Variants in RBMS3 observed in about 807,000 individuals in gnomAD.
The protein encoded by RBMS3 is RNA-binding motif, single-stranded-interacting protein 3.
Under a neutral mutation model 66.8 loss-of-function variants are expected in RBMS3, and 27 were observed. The ratio of observed to expected loss-of-function variants is 0.40; its 90% confidence interval spans 0.30 to 0.56. The LOEUF is 0.56. RBMS3 is among the 20% of genes least tolerant of loss of function. The pLI is 0.40. For synonymous variants in RBMS3, 188 were observed against 183.0 expected (o/e 1.03, Z -0.22); for missense variants, 513 against 549.5 (o/e 0.93, Z 0.66).
intron 3 of RBMS3, among the ~76,000 whole-genome samples, chr3:29,535,812 C>T (rs969057881): frequency 1.5e-5 from 2 of 137,522 alleles, no homozygotes; most frequent in African/African-American, 5.5e-5. Flanking sequence ...CTGCATGGCT[C>T]CCTTCATGGA....
At chr3:29,437,335 C>A (rs976577167) in intron 2 of RBMS3, among the ~76,000 whole-genome samples, 1 of 152,170 alleles carries the variant, frequency 6.6e-6, no homozygotes, top group Non-Finnish European at 1.5e-5. Context: ...CATAGAATTG[C>A]CAGAATTTTG....
intron 12 of RBMS3, among the ~76,000 whole-genome samples, chr3:29,970,879 A>C (rs1391408558): frequency 6.6e-6 from 1 of 152,186 alleles, no homozygotes; most frequent in Non-Finnish European, 1.5e-5. Context: ...CTTGAATATA[A>C]AGCTACATCT....
chr3:29,309,438 C>T (rs1030351453), intron 1 of RBMS3, among the ~76,000 whole-genome samples: 3 of 151,692 alleles, frequency 2.0e-5, no homozygotes, highest in Non-Finnish European at 4.4e-5. Flanking sequence ...GTATTTGTAT[C>T]ATAATGTACT....
At chr3:29,994,759 A>C (rs1158808766) in intron 14 of RBMS3, among the ~76,000 whole-genome samples, 1 of 152,206 alleles carries the variant, frequency 6.6e-6, no homozygotes, top group African/African-American at 2.4e-5. Context: ...CATCCACACC[A>C]AAAACCCATC....
At chr3:29,862,865 A>G (rs909260922) in intron 6 of RBMS3, among the ~76,000 whole-genome samples, 1 of 107,566 alleles carries the variant, frequency 9.3e-6, no homozygotes, top group African/African-American at 3.5e-5. Context: ...AAGAAAAAAG[A>G]AAAAAAAAAA....
intron 6 of RBMS3, among the ~76,000 whole-genome samples, chr3:29,862,562 G>A (rs530010339): frequency 6.6e-6 from 1 of 152,194 alleles, no homozygotes; most frequent in Admixed American, 6.5e-5. Flanking sequence ...ATATCACTCT[G>A]AGCTGGGAGT....
At chr3:29,830,491 C>G (rs1474951551) in intron 6 of RBMS3, among the ~76,000 whole-genome samples, 1 of 152,066 alleles carries the variant, frequency 6.6e-6, no homozygotes, top group Non-Finnish European at 1.5e-5. Context: ...AAAGAAATCT[C>G]AAAATACGTG....
intron 3 of RBMS3, among the ~76,000 whole-genome samples, chr3:29,551,072 A>T (rs1232121344): frequency 6.6e-6 from 1 of 152,210 alleles, no homozygotes; most frequent in East Asian, 1.9e-4. Context: ...AGAAAGAAAC[A>T]ATGTCTTTCA....
At chr3:29,660,628 T>G (rs982960851) in intron 4 of RBMS3, among the ~76,000 whole-genome samples, 4 of 152,144 alleles carry the variant, frequency 2.6e-5, no homozygotes, top group Non-Finnish European at 5.9e-5. Flanking sequence ...TATCTCTTCC[T>G]TTTGGTTTTT....
At chr3:29,304,491 G>A (rs1389983503) in intron 1 of RBMS3, among the ~76,000 whole-genome samples, 1 of 151,850 alleles carries the variant, frequency 6.6e-6, no homozygotes, top group Non-Finnish European at 1.5e-5. Context: ...ACACAATCAT[G>A]CTGACGAAGT....
At chr3:29,931,847 T>G (rs2061135278) in intron 10 of RBMS3, among the ~76,000 whole-genome samples, 1 of 152,126 alleles carries the variant, frequency 6.6e-6, no homozygotes, top group African/African-American at 2.4e-5. Flanking sequence ...CTGGCAAAAA[T>G]CAGACATGAA....
At chr3:29,346,698 T>C (rs1030132288) in intron 1 of RBMS3, among the ~76,000 whole-genome samples, 4 of 152,140 alleles carry the variant, frequency 2.6e-5, no homozygotes, top group African/African-American at 9.7e-5. Flanking sequence ...TGGCCAGCAA[T>C]TCATTCTTAT....
intron 6 of RBMS3, among the ~76,000 whole-genome samples, chr3:29,795,324 G>C (rs2057146047): frequency 6.6e-6 from 1 of 152,274 alleles, no homozygotes; most frequent in Admixed American, 6.5e-5. Context: ...GTGTATCAGA[G>C]ATATACTCCA....
Position 29,364,974 on chromosome 3 carries a change from G to A in RBMS3, c.76-69769G>A, listed in dbSNP as rs75122755. On this transcript the variant is annotated intron_variant, in intron 1 of 14. Coordinates refer to ENST00000383767, the MANE Select transcript of RBMS3 (RefSeq NM_001003793.3). Reference sequence around the variant, plus strand: ...CTCCACGTAGTCCTCCTTTTTCCCAGTTCCTAAGAGCTAACTAAAAAGATA... The same window carrying A: ...CTCCACGTAGTCCTCCTTTTTCCCAATTCCTAAGAGCTAACTAAAAAGATA... Among the ~76,000 whole-genome samples, 1,006 of 152,118 alleles carry A rather than the reference G, an allele frequency of 6.6e-3. 17 individuals carry two copies. Among genetic ancestry groups the A allele is most frequent in the African/African-American group, 0.021 (887 of 41,480 alleles).
At chr3:29,661,471 C>T (rs2050545568) in intron 4 of RBMS3, among the ~76,000 whole-genome samples, 1 of 152,160 alleles carries the variant, frequency 6.6e-6, no homozygotes, top group South Asian at 2.1e-4. Flanking sequence ...TTTGATAGAT[C>T]TCATTGCACT....
chr3:29,448,578 C>T (rs2041914951), intron 2 of RBMS3, among the ~76,000 whole-genome samples: 1 of 152,094 alleles, frequency 6.6e-6, no homozygotes, highest in African/African-American at 2.4e-5. Context: ...TGAATTGCAG[C>T]GAAAAGGACA....
intron 6 of RBMS3, among the ~76,000 whole-genome samples, chr3:29,768,362 G>A (rs1395232230): frequency 1.3e-5 from 2 of 152,030 alleles, no homozygotes; most frequent in African/African-American, 4.8e-5. Context: ...TAAAAAAGCT[G>A]TGTGCTGGTA....
At chr3:29,418,475 C>T (rs190824920) in intron 1 of RBMS3, among the ~76,000 whole-genome samples, 18 of 152,184 alleles carry the variant, frequency 1.2e-4, no homozygotes, top group Admixed American at 2.6e-4. Context: ...TGTGCCTTTG[C>T]GTATAGCATA....
intron 4 of RBMS3, chr3:29,617,042 TA>T (rs2048697364): frequency 6.6e-6 from 1 of 152,096 alleles, no homozygotes; most frequent in Non-Finnish European, 1.5e-5. Context: ...GGGACATCAC[TA>T]AATGAATGAA....
Sources: allele counts gnomAD v4.1 joint callset (sites outside exome capture counted in the v4.1 genomes callset), GRCh38; gene constraint gnomAD v4.1.1; transcripts MANE v1.5; gene names NCBI Gene and HGNC (gene_info 2026-07-23, HGNC 2026-07-21).